Variants in BLM observed in about 807,000 individuals in gnomAD.
BLM encodes recQ-like DNA helicase BLM.
In BLM, 95 loss-of-function variants were observed where a neutral mutation model predicts 135.3. That is an observed-to-expected ratio of 0.70 (90% CI 0.59 to 0.83). BLM has a LOEUF of 0.83. Ranked by LOEUF, BLM falls within the 40% of genes least tolerant of loss-of-function variation. The probability of loss-of-function intolerance (pLI) is 0.00; values close to 1 mark genes in which losing one functional copy is unlikely to be tolerated. For missense variants in BLM, 1,518 were observed against 1,663.9 expected (o/e 0.91, Z 1.53); for synonymous variants, 520 against 589.2 (o/e 0.88, Z 1.70).
intron 4 of BLM, among the ~76,000 whole-genome samples, chr15:90,752,772 TCTCA>T: frequency 6.6e-6 from 1 of 152,328 alleles, no homozygotes; most frequent in Admixed American, 6.5e-5. Flanking sequence ...CTCATCCCAG[TCTCA>T]CTCTCAGACC....
intron 16 of BLM, among the ~76,000 whole-genome samples, chr15:90,795,110 G>A (rs1360476638): frequency 6.6e-6 from 1 of 152,194 alleles, no homozygotes. Flanking sequence ...GCAAGATGCT[G>A]GAGAGCCACA....
intron 19 of BLM, among the ~76,000 whole-genome samples, chr15:90,804,888 G>A (rs1897253304): frequency 6.6e-6 from 1 of 152,190 alleles, no homozygotes; most frequent in East Asian, 1.9e-4. Context: ...CCAGGCTGGA[G>A]TGCAGTGGCG....
chr15:90,789,989 T>TTG (rs1567056098), intron 14 of BLM, among the ~76,000 whole-genome samples: 9 of 28,450 alleles, frequency 3.2e-4, no homozygotes, highest in Non-Finnish European at 5.5e-4. Flanking sequence ...TCCCTGGTGT[T>TTG]TTTTTTTTTT....
At chr15:90,741,208 G>A (rs1021802491) in intron 1 of BLM, among the ~76,000 whole-genome samples, 1 of 152,124 alleles carries the variant, frequency 6.6e-6, no homozygotes, top group Non-Finnish European at 1.5e-5. Flanking sequence ...ACAATTCACT[G>A]CCCTTGATTT....
chr15:90,762,840 A>G (rs1392651442), intron 7 of BLM, 126 bp from the exon 8 acceptor site: 2 of 889,648 alleles, frequency 2.2e-6, no homozygotes, highest in Non-Finnish European at 3.4e-6. Context: ...GAAAGCCAGT[A>G]AAGAGTTTAA....
At chr15:90,760,012 A>T (rs1297010738) in intron 5 of BLM, 135 bp from the exon 6 acceptor site, 6 of 759,632 alleles carry the variant, frequency 7.9e-6, no homozygotes, top group Admixed American at 2.3e-5. Context: ...CTGGTCTTGA[A>T]CTCCTGGACT....
chr15:90,718,310 A>G (rs1894663103), intron 1 of BLM, among the ~76,000 whole-genome samples: 1 of 152,188 alleles, frequency 6.6e-6, no homozygotes, highest in East Asian at 1.9e-4. Flanking sequence ...CAGGATTTGA[A>G]CTAAGCGCCT....
chr15:90,750,447 C>G (rs544713577), intron 3 of BLM, among the ~76,000 whole-genome samples: 1 of 152,126 alleles, frequency 6.6e-6, no homozygotes, highest in Admixed American at 6.5e-5. Flanking sequence ...TGCAATACCG[C>G]GACAGTCAAT....
chr15:90,789,987 GTTTTTTTTTTTTTTT>G (rs61059865), intron 14 of BLM, among the ~76,000 whole-genome samples: 4,164 of 57,318 alleles, frequency 0.073, 121 homozygotes, highest in Non-Finnish European at 0.11. Flanking sequence ...AGTCCCTGGT[GTTTTTTTTTTTTTTT>G]TTTTTTTTTT....
Position 90,788,961 on chromosome 15 carries a change from A to G in BLM, c.2824-1688A>G, listed in dbSNP as rs979663247. ...GCATTCCAGCCTGGGCAACAGACCG[A>G]GACTGTCTCAAAAAAAAAAAAAAAT... On this transcript the variant is annotated intron_variant, in intron 14 of 21. Coordinates refer to ENST00000355112, the MANE Select transcript of BLM (RefSeq NM_000057.4). Among the ~76,000 whole-genome samples, 22 of 143,084 alleles carry G rather than the reference A, an allele frequency of 1.5e-4. No individual in the cohort carries two copies. The South Asian group carries it at 4.9e-3, about 32-fold the overall frequency. 93.9% of individuals were successfully genotyped at this position (143,084 alleles called of 152,430 possible).
intron 1 of BLM, among the ~76,000 whole-genome samples, chr15:90,723,271 T>C (rs905822041): frequency 6.6e-6 from 1 of 152,124 alleles, no homozygotes; most frequent in Non-Finnish European, 1.5e-5. Flanking sequence ...CTATATGCAT[T>C]CTACTGAGTC....
chr15:90,717,644 G>A (rs988837950), intron 1 of BLM, among the ~76,000 whole-genome samples: 4 of 152,244 alleles, frequency 2.6e-5, no homozygotes, highest in Non-Finnish European at 1.5e-5. Context: ...AGAGGCCCGG[G>A]GCGGGGGCGA....
intron 8 of BLM, 76 bp from the exon 9 acceptor site, chr15:90,765,220 T>C: frequency 8.4e-7 from 1 of 1,188,002 alleles, no homozygotes; most frequent in Non-Finnish European, 1.3e-6. Context: ...ATTAATGATA[T>C]GATTTCTTTT....
intron 19 of BLM, among the ~76,000 whole-genome samples, chr15:90,807,660 A>T (rs1897314289): frequency 6.6e-6 from 1 of 152,244 alleles, no homozygotes; most frequent in Admixed American, 6.5e-5. Context: ...TCAGCCTCCC[A>T]AAGTATTGGG....
chr15:90,733,536 A>G (rs929852057), intron 1 of BLM, among the ~76,000 whole-genome samples: 1 of 152,244 alleles, frequency 6.6e-6, no homozygotes, highest in Non-Finnish European at 1.5e-5. Flanking sequence ...TATTTTCCAA[A>G]TGGCTTGGTA....
Position 90,760,701 on chromosome 15 carries a change from C to A in BLM, c.1328C>A (p.Ser443Tyr). The change falls in exon 7 of 22, where the codon TCC becomes TAC. Residue 443 changes from serine to tyrosine, a missense_variant. By Grantham distance (144) the Ser-to-Tyr change is moderately radical (BLOSUM62 -2). Around this residue, in one of 5 missense-constraint regions of BLM, gnomAD observed 724 missense variants for 756.9 expected, o/e 0.96. Transcript: ENST00000355112. ...CTTGATGGCCCTATGGAGGGTGATT[C>A]CTGCCCTACAGGGAATTCTATGAAG... ...DSLDGPMEGD[S>Y]CPTGNSMKEL... is the part of the protein sequence containing the mutation. The A allele has an allele frequency of 6.2e-7, 1 of 1,614,008 alleles. No individual in the cohort carries two copies. Among genetic ancestry groups the A allele is most frequent in the East Asian group, 2.2e-5 (1 of 44,874 alleles).
intron 12 of BLM, among the ~76,000 whole-genome samples, chr15:90,770,603 GTTTAAAGTATT>G (rs1240637390): frequency 6.6e-6 from 1 of 152,228 alleles, no homozygotes; most frequent in Non-Finnish European, 1.5e-5. Context: ...TGTGTGCCGA[GTTTAAAGTATT>G]TTTTTCTTCT....
In BLM at chr15:90,794,278, A is replaced by G. The variant is rs747571272; in HGVS notation, c.3131A>G (p.Tyr1044Cys). The G allele has an allele frequency of 2.5e-6, 4 of 1,607,356 alleles. No homozygotes were observed. The East Asian group carries it at 9.0e-5, about 36-fold the overall frequency. ...TECRRIQLLA[Y>C]FGENGFNPDF... ...TGCAGGAGAATACAGCTTTTGGCCT[A>G]CTTTGGTGAAAATGGATTTAATCCT... The change falls in exon 16 of 22, where the codon TAC (tyrosine) becomes TGC (cysteine). Residue 1044 changes from tyrosine to cysteine, a missense_variant. Tyr to Cys is a radical substitution (Grantham distance 194). Around this residue, in one of 5 missense-constraint regions of BLM, gnomAD observed 626 missense variants for 681.1 expected, o/e 0.92. Transcript: ENST00000355112.
In BLM at chr15:90,794,244, A is replaced by G; in HGVS notation, c.3097A>G (p.Ile1033Val). The G allele has an allele frequency of 1.2e-6, 2 of 1,606,266 alleles. No individual in the cohort carries two copies. Among genetic ancestry groups the G allele is most frequent in the African/African-American group, 1.3e-5 (1 of 74,922 alleles). ...TAGCATGGTACATTACTGTGAAAAT[A>G]TAACGGAATGCAGGAGAATACAGCT... Reference protein sequence around the residue: ...LYSMVHYCENITECRRIQLLA... With the variant: ...LYSMVHYCENVTECRRIQLLA... Residue 1033 changes from isoleucine (I) to valine (V), a missense_variant, in exon 16 of 22, where the codon ATA (isoleucine) becomes GTA (valine). Coordinates refer to ENST00000355112, the MANE Select transcript of BLM (RefSeq NM_000057.4).
Sources: allele counts gnomAD v4.1 joint callset (sites outside exome capture counted in the v4.1 genomes callset), GRCh38; gene constraint gnomAD v4.1.1; regional missense constraint gnomAD v4.1.1; transcripts MANE v1.5; gene names NCBI Gene and HGNC (gene_info 2026-07-23, HGNC 2026-07-21).